The following NUDCD1 variants were observed in gnomAD, a reference collection of about 807,000 sequenced individuals.
The protein encoded by NUDCD1 is NudC domain containing 1, also known as nudC domain-containing protein 1.
Under a neutral mutation model 67.8 loss-of-function variants are expected in NUDCD1, and 60 were observed. The observed-to-expected ratio is 0.88, with a 90% CI of 0.72 to 1.10. The LOEUF (loss-of-function observed/expected upper bound fraction) is 1.10. Ranked by LOEUF, NUDCD1 falls within the 50% of genes least tolerant of loss-of-function variation. The probability of loss-of-function intolerance (pLI) is 0.00; values close to 1 mark genes in which losing one functional copy is unlikely to be tolerated. For missense variants in NUDCD1, 643 were observed against 695.0 expected, an observed-to-expected ratio of 0.93 and a Z score of 0.84; for synonymous variants, 244 against 230.8, an observed-to-expected ratio of 1.06 and a Z score of -0.52.
In NUDCD1 at chr8:109,275,501, A is replaced by G. The variant is rs1814264886; in HGVS notation, c.1029-5T>C. 1 of 1,606,698 alleles carries G rather than the reference A, an allele frequency of 6.2e-7. No individual in the cohort carries two copies. The highest frequency in any genetic ancestry group is 1.7e-5 in the Admixed American group (1 of 58,770). On this transcript the variant is annotated splice_polypyrimidine_tract_variant and splice_region_variant and intron_variant, in intron 6 of 9. Coordinates refer to ENST00000239690, the MANE Select transcript of NUDCD1 (RefSeq NM_032869.4). ...TTAATCAAGGAAATCTCCAAGCTAG[A>G]AGTTTAAATGGGAAAAGTAATGTTA... is the stretch of plus-strand genomic sequence containing the variant.
In NUDCD1 at chr8:109,241,781, C is replaced by T. The variant is rs892251062; in HGVS notation, c.*1228G>A. The T allele has an allele frequency of 3.6e-6, 1 of 276,036 alleles. No individual in the cohort carries two copies. Among genetic ancestry groups the T allele is most frequent in the Non-Finnish European group, 6.7e-6 (1 of 150,154 alleles). 17.1% of individuals were successfully genotyped at this position (276,036 alleles called of 1,614,324 possible). A position where few individuals can be genotyped will look rare whatever the true frequency, so the allele number is the denominator to read the frequency against. On this transcript the variant is annotated 3_prime_UTR_variant, in exon 10 of 10. Coordinates refer to ENST00000239690, the MANE Select transcript of NUDCD1 (RefSeq NM_032869.4). ...GGCAAAAGATATGTTAGGAACAAAG[C>T]TTTTCTATCTTATATTTCTTATCTT...
At chr8:109,270,092 G>GGC (rs1563665965) in intron 8 of NUDCD1, among the ~76,000 whole-genome samples, 1 of 65,418 alleles carries the variant, frequency 1.5e-5, no homozygotes, top group Non-Finnish European at 3.2e-5. Flanking sequence ...GTGCCTTAAG[G>GGC]TGGGGTGTGA....
intron 8 of NUDCD1, among the ~76,000 whole-genome samples, chr8:109,246,245 G>A (rs894219876): frequency 6.6e-6 from 1 of 152,174 alleles, no homozygotes; most frequent in Non-Finnish European, 1.5e-5. Flanking sequence ...ATGCTAACTT[G>A]TAATAATTAC....
At chr8:109,261,170 A>G (rs1461746017) in intron 8 of NUDCD1, among the ~76,000 whole-genome samples, 1 of 152,194 alleles carries the variant, frequency 6.6e-6, no homozygotes, top group Non-Finnish European at 1.5e-5. Flanking sequence ...CCTATATGAC[A>G]GCATGCAATA....
chr8:109,311,559 G>GTGTGTGTATGTA, intron 2 of NUDCD1, among the ~76,000 whole-genome samples: 19 of 125,136 alleles, frequency 1.5e-4, no homozygotes, highest in African/African-American at 6.3e-4. Context: ...AAACTGTGGT[G>GTGTGTGTATGTA]TATATATATA....
chr8:109,264,851 CTT>C (rs79999848), intron 8 of NUDCD1, among the ~76,000 whole-genome samples: 13 of 143,486 alleles, frequency 9.1e-5, no homozygotes, highest in East Asian at 2.0e-4. Context: ...ATTCCTCCTA[CTT>C]TTTTTTTTTT....
chr8:109,245,780 A>G (rs141306275), intron 8 of NUDCD1, among the ~76,000 whole-genome samples: 1 of 152,286 alleles, frequency 6.6e-6, no homozygotes, highest in East Asian at 1.9e-4. Context: ...CACGTGATAT[A>G]CCACCTCTTA....
At chr8:109,326,667 G>A (rs1021531288) in intron 1 of NUDCD1, among the ~76,000 whole-genome samples, 3 of 151,966 alleles carry the variant, frequency 2.0e-5, no homozygotes, top group Admixed American at 1.3e-4. Context: ...AAGAACTTAG[G>A]GCCTCAAAAG....
intron 2 of NUDCD1, among the ~76,000 whole-genome samples, chr8:109,312,018 G>A (rs1442479683): frequency 6.6e-6 from 1 of 151,962 alleles, no homozygotes; most frequent in African/African-American, 2.4e-5. Context: ...TTTAAAAAAA[G>A]TCGGCTGGGC....
intron 8 of NUDCD1, 34 bp downstream of exon 8, chr8:109,270,971 C>G: frequency 6.9e-7 from 1 of 1,451,424 alleles, no homozygotes; most frequent in Non-Finnish European, 9.4e-7. Context: ...TAACTACTGA[C>G]AAAATTTTAG....
intron 7 of NUDCD1, among the ~76,000 whole-genome samples, chr8:109,272,447 CATAA>C (rs748700654): frequency 1.3e-5 from 2 of 151,772 alleles, no homozygotes; most frequent in Non-Finnish European, 2.9e-5. Context: ...TTAAAGTAGA[CATAA>C]ATAAATTCAT....
At chr8:109,289,662 T>C in intron 5 of NUDCD1, 89 bp downstream of exon 5, 1 of 671,678 alleles carries the variant, frequency 1.5e-6, no homozygotes, top group Non-Finnish European at 2.4e-6. Flanking sequence ...ATCTTGCCCT[T>C]GTAGAACTAT....
chr8:109,298,259 C>T (rs1814890560), intron 2 of NUDCD1, among the ~76,000 whole-genome samples: 2 of 152,186 alleles, frequency 1.3e-5, no homozygotes, highest in African/African-American at 2.4e-5. Context: ...ATCAAGCTTA[C>T]TGTGGTCTTC....
chr8:109,322,265 ATATTACATACATATATTAAT>A (rs1247702212), intron 2 of NUDCD1, 24 bp downstream of exon 2: 1 of 1,090,212 alleles, frequency 9.2e-7, no homozygotes, highest in African/African-American at 1.6e-5. Flanking sequence ...AATTTGCTTG[ATATTACATACATATATTAAT>A]TATTACATAC....
chr8:109,309,450 C>T (rs1030989258), intron 2 of NUDCD1, among the ~76,000 whole-genome samples: 3 of 152,210 alleles, frequency 2.0e-5, no homozygotes, highest in South Asian at 2.1e-4. Context: ...TGGCATACAA[C>T]GGACATACCT....
intron 2 of NUDCD1, among the ~76,000 whole-genome samples, chr8:109,317,675 T>G (rs1406457412): frequency 2.6e-5 from 4 of 152,192 alleles, no homozygotes; most frequent in African/African-American, 9.7e-5. Context: ...TATCATACAG[T>G]TCTACTGCTC....
chr8:109,304,579 G>A (rs2980629), intron 2 of NUDCD1, among the ~76,000 whole-genome samples: 54,958 of 151,988 alleles, frequency 0.36, 10,760 homozygotes, highest in South Asian at 0.5. Context: ...TTAAAGACTC[G>A]AAATATGCCT....
chr8:109,269,677 T>C (rs1214915152), intron 8 of NUDCD1, among the ~76,000 whole-genome samples: 1 of 152,090 alleles, frequency 6.6e-6, no homozygotes, highest in East Asian at 1.9e-4. Context: ...CTTTGAAACC[T>C]GTATCAAAGA....
At chr8:109,258,331 A>G (rs1482235345) in intron 8 of NUDCD1, among the ~76,000 whole-genome samples, 1 of 152,068 alleles carries the variant, frequency 6.6e-6, no homozygotes, top group Non-Finnish European at 1.5e-5. Context: ...AGGTCATTGT[A>G]TTCATGTGTC....
Sources: allele counts gnomAD v4.1 joint callset (sites outside exome capture counted in the v4.1 genomes callset), GRCh38; gene constraint gnomAD v4.1.1; transcripts MANE v1.5; gene names NCBI Gene and HGNC (gene_info 2026-07-23, HGNC 2026-07-21).